CADM2: variants seen among roughly 807,000 people sequenced by gnomAD.
CADM2 encodes the protein cell adhesion molecule 2.
In CADM2, 12 loss-of-function variants were observed where a neutral mutation model predicts 49.8. That is an observed-to-expected ratio of 0.24 (90% CI 0.15 to 0.39). The LOEUF (loss-of-function observed/expected upper bound fraction) is 0.39, where lower values mean the gene tolerates loss of function less well. Ranked by LOEUF, CADM2 falls within the 10% of genes least tolerant of loss-of-function variation. The probability of loss-of-function intolerance (pLI) is 1.00; values close to 1 mark genes in which losing one functional copy is unlikely to be tolerated. For synonymous variants in CADM2, 214 were observed against 175.4 expected (o/e 1.22, Z -1.74); for missense variants, 378 against 492.3 (o/e 0.77, Z 2.20).
intron 6 of CADM2, among the ~76,000 whole-genome samples, chr3:85,916,345 CAGTGTGT>C (rs1718323405): frequency 7.3e-6 from 1 of 136,302 alleles, no homozygotes; most frequent in Non-Finnish European, 1.5e-5. Flanking sequence ...CAACATGCCC[CAGTGTGT>C]GATGTTCCCC....
At chr3:85,424,721 C>T (rs2036322352) in intron 1 of CADM2, among the ~76,000 whole-genome samples, 1 of 152,114 alleles carries the variant, frequency 6.6e-6, no homozygotes, top group South Asian at 2.1e-4. Flanking sequence ...TGTGTTTTTT[C>T]TACGCCTACT....
chr3:86,063,761 T>C (rs895028020), intron 8 of CADM2, among the ~76,000 whole-genome samples: 1 of 152,218 alleles, frequency 6.6e-6, no homozygotes, highest in African/African-American at 2.4e-5. Flanking sequence ...AATCCAGCTC[T>C]AGTTTTTGAA....
intron 3 of CADM2, among the ~76,000 whole-genome samples, chr3:85,857,729 T>A (rs538686551): frequency 2.6e-5 from 4 of 152,300 alleles, no homozygotes; most frequent in African/African-American, 9.6e-5. Flanking sequence ...CAAACTTAGA[T>A]CTTAGCACTT....
chr3:85,160,093 G>A (rs1465511007), intron 1 of CADM2, among the ~76,000 whole-genome samples: 2 of 151,966 alleles, frequency 1.3e-5, no homozygotes, highest in Non-Finnish European at 2.9e-5. Flanking sequence ...TAGCTAAAAC[G>A]GCTTTAAAAT....
chr3:85,160,907 G>A (rs1374167582), intron 1 of CADM2, among the ~76,000 whole-genome samples: 3 of 152,140 alleles, frequency 2.0e-5, no homozygotes, highest in Non-Finnish European at 2.9e-5. Context: ...TTTGTACCAA[G>A]TCTTTGACTT....
intron 1 of CADM2, among the ~76,000 whole-genome samples, chr3:85,377,035 G>C (rs533230115): frequency 1.2e-3 from 181 of 152,096 alleles, no homozygotes; most frequent in Admixed American, 2.3e-3. Flanking sequence ...AACAGAATCT[G>C]ACCTAGTTTA....
chr3:85,623,311 G>A (rs769895990), intron 1 of CADM2, among the ~76,000 whole-genome samples: 8 of 152,092 alleles, frequency 5.3e-5, no homozygotes, highest in Non-Finnish European at 8.8e-5. Flanking sequence ...GAAGGTATGT[G>A]CCTTTTCAAA....
At position 85,741,500 on chromosome 3, in the gene CADM2, T is replaced by A. The variant is rs922150156; in HGVS notation, c.88+14952T>A. Among the ~76,000 whole-genome samples, 97 of 152,036 alleles carry A rather than the reference T, an allele frequency of 6.4e-4. 2 individuals are homozygous for A. Among genetic ancestry groups the A allele is most frequent in the Non-Finnish European group, 1.0e-4 (7 of 68,020 alleles). ...CTAGCCAACATGGTGAAACCCCGTCTCTACTAAAAATACAAAAATTAGCTG... is the reference window on the plus strand; with the variant it reads ...CTAGCCAACATGGTGAAACCCCGTCACTACTAAAAATACAAAAATTAGCTG... On this transcript the variant is annotated intron_variant, in intron 2 of 9. Transcript: ENST00000383699.
At chr3:85,811,563 GA>G (rs1166644393) in intron 3 of CADM2, among the ~76,000 whole-genome samples, 1 of 152,166 alleles carries the variant, frequency 6.6e-6, no homozygotes, top group African/African-American at 2.4e-5. Context: ...TTGTTCTGAT[GA>G]AAATTTGGGT....
intron 1 of CADM2, among the ~76,000 whole-genome samples, chr3:85,481,632 C>T (rs2039214984): frequency 6.6e-6 from 1 of 151,486 alleles, no homozygotes; most frequent in Non-Finnish European, 1.5e-5. Flanking sequence ...AGGTATGGCA[C>T]TATAATAATG....
intron 8 of CADM2, among the ~76,000 whole-genome samples, chr3:85,977,281 A>G (rs1726909638): frequency 6.6e-6 from 1 of 151,414 alleles, no homozygotes; most frequent in South Asian, 2.1e-4. Flanking sequence ...ATAAGATCCA[A>G]TGCAATAGTA....
In CADM2 at chr3:85,540,441, A is replaced by C. The variant is rs183181047; in HGVS notation, c.62-186081A>C. Reference sequence around the variant, plus strand: ...ACAGATACTTGGCATTTTAGATTTGAGACTACTTAAAACATATTGACTATA... The same window carrying C: ...ACAGATACTTGGCATTTTAGATTTGCGACTACTTAAAACATATTGACTATA... On this transcript the variant is annotated intron_variant, in intron 1 of 9. Transcript: ENST00000383699. Among the ~76,000 whole-genome samples, 354 of 152,234 alleles carry C rather than the reference A, an allele frequency of 2.3e-3. 3 individuals are homozygous for C. The highest frequency in any genetic ancestry group is 6.8e-4 in the Non-Finnish European group (46 of 68,008).
intron 1 of CADM2, among the ~76,000 whole-genome samples, chr3:85,586,713 C>T (rs1024552687): frequency 9.9e-5 from 15 of 152,076 alleles, no homozygotes; most frequent in Admixed American, 4.6e-4. Flanking sequence ...ATGAAAACAG[C>T]TATATGGCTC....
rs117120650 is a variant in CADM2 at position 85,368,949 on chromosome 3, T to C, written c.62-357573T>C. On this transcript the variant is annotated intron_variant, in intron 1 of 9. Transcript: ENST00000383699. Reference sequence around the variant, plus strand: ...TCCAACTCCATCAGGATAAAGAGACTAGGCCAAAATCAGATGACTGTTGTA... The same window carrying C: ...TCCAACTCCATCAGGATAAAGAGACCAGGCCAAAATCAGATGACTGTTGTA... 1.1e-4 allele frequency among the ~76,000 whole-genome samples: 16 copies of C among 152,186 alleles called. No homozygotes were observed. The East Asian group carries it at 3.1e-3, about 29-fold the overall frequency.
At chr3:86,049,281 A>AT (rs1307469667) in intron 8 of CADM2, among the ~76,000 whole-genome samples, 5,343 of 145,052 alleles carry the variant, frequency 0.037, 225 homozygotes, top group Admixed American at 0.089. Context: ...TTTATTTTTT[A>AT]TTTTTTTTTT....
intron 1 of CADM2, among the ~76,000 whole-genome samples, chr3:85,551,833 G>A (rs892578100): frequency 3.3e-5 from 5 of 152,134 alleles, no homozygotes; most frequent in African/African-American, 1.2e-4. Context: ...TGAAGTCCAT[G>A]TAAATCCACT....
intron 1 of CADM2, among the ~76,000 whole-genome samples, chr3:85,249,605 T>C (rs1045780613): frequency 1.3e-5 from 2 of 151,980 alleles, no homozygotes; most frequent in African/African-American, 4.8e-5. Context: ...CAGAATATCT[T>C]TCCTTTGTTT....
chr3:85,750,110 C>T (rs2068801731), intron 2 of CADM2, among the ~76,000 whole-genome samples: 1 of 151,958 alleles, frequency 6.6e-6, no homozygotes. Flanking sequence ...GTTTATTGAA[C>T]TCATCTTAAG....
intron 1 of CADM2, among the ~76,000 whole-genome samples, chr3:85,006,563 G>A (rs1281914384): frequency 6.6e-6 from 1 of 152,094 alleles, no homozygotes; most frequent in Non-Finnish European, 1.5e-5. Flanking sequence ...GTCTCTGGCT[G>A]GAACTTCATG....
Sources: gnomAD v4.1 joint callset for allele counts (sites outside exome capture counted in the v4.1 genomes callset) on GRCh38, gnomAD v4.1.1 for gene constraint, MANE v1.5 for transcripts, NCBI Gene and HGNC (gene_info 2026-07-23, HGNC 2026-07-21) for gene names.